The following NUP93 variants were observed in gnomAD, a reference collection of about 807,000 sequenced individuals.
NUP93 encodes the protein nucleoporin 93.
Under a neutral mutation model 107.8 loss-of-function variants are expected in NUP93, and 55 were observed. That is an observed-to-expected ratio of 0.51 (90% confidence interval 0.41 to 0.64). The LOEUF (loss-of-function observed/expected upper bound fraction) is 0.64. Among genes scored for constraint, NUP93 ranks in the 30% least tolerant of loss-of-function variants. The pLI, the probability that NUP93 is intolerant of heterozygous loss-of-function variation, is 0.00. For missense variants in NUP93, 937 were observed against 1,044.7 expected (o/e 0.90, Z 1.42); for synonymous variants, 390 against 397.5 (o/e 0.98, Z 0.22).
chr16:56,730,656 G>T (rs1366563161), intron 1 of NUP93, among the ~76,000 whole-genome samples: 2 of 152,212 alleles, frequency 1.3e-5, no homozygotes, highest in African/African-American at 2.4e-5. Flanking sequence ...TGCGAGGGAA[G>T]GGGTCTTTGG....
intron 13 of NUP93, 22 bp from the exon 14 acceptor site, chr16:56,834,106 C>T (rs765729411): frequency 5.0e-5 from 81 of 1,613,570 alleles, no homozygotes; most frequent in Non-Finnish European, 6.5e-5. Flanking sequence ...GGTTGTGACC[C>T]ATTCTGACCC....
At chr16:56,824,832 C>T (rs1447948942) in intron 8 of NUP93, among the ~76,000 whole-genome samples, 1 of 152,156 alleles carries the variant, frequency 6.6e-6, no homozygotes, top group African/African-American at 2.4e-5. Context: ...CACTAGCTTC[C>T]ATTCCCTGGT....
chr16:56,827,063 AAAAAAATT>A (rs1172313780), intron 8 of NUP93, among the ~76,000 whole-genome samples: 1 of 149,788 alleles, frequency 6.7e-6, no homozygotes, highest in African/African-American at 2.5e-5. Flanking sequence ...AAAAAAAAAA[AAAAAAATT>A]TTGTTGAGTC....
chr16:56,811,085 G>C (rs1488669703), intron 5 of NUP93, among the ~76,000 whole-genome samples: 1 of 152,168 alleles, frequency 6.6e-6, no homozygotes, highest in Non-Finnish European at 1.5e-5. Context: ...ATTTTTGTGT[G>C]TTTTGGTGAG....
rs571513589 is a variant in NUP93 at position 56,779,785 on chromosome 16, G to A, written c.298-18691G>A. ...TTTATTTGTTGGCAATACTAAAGAGGAAAAACGTCTTAACAGTGACTTGGT... is the reference window on the plus strand; with the variant it reads ...TTTATTTGTTGGCAATACTAAAGAGAAAAAACGTCTTAACAGTGACTTGGT... On this transcript the variant is annotated intron_variant, in intron 3 of 21. Coordinates refer to ENST00000308159, the MANE Select transcript of NUP93 (RefSeq NM_014669.5). Among the ~76,000 whole-genome samples the A allele has an allele frequency of 1.6e-4, 24 of 152,218 alleles. No homozygotes were observed. The South Asian group carries it at 1.9e-3, about 12-fold the overall frequency.
chr16:56,818,513 T>C, intron 5 of NUP93, 151 bp from the exon 6 acceptor site: 1 of 615,690 alleles, frequency 1.6e-6, no homozygotes. Flanking sequence ...GTTATTGAAA[T>C]CCCTAAAATC....
At chr16:56,815,787 CTG>C (rs1185896074) in intron 5 of NUP93, among the ~76,000 whole-genome samples, 7 of 151,658 alleles carry the variant, frequency 4.6e-5, no homozygotes, top group Admixed American at 2.6e-4. Flanking sequence ...GCTAAGGAAA[CTG>C]AGGCTTAAAG....
chr16:56,783,540 T>G (rs1962559066), intron 3 of NUP93: 1 of 985,324 alleles, frequency 1.0e-6, no homozygotes, highest in South Asian at 4.7e-5. Flanking sequence ...ACACTGACCC[T>G]GTATGGGAGA....
At chr16:56,788,366 A>G (rs1446280494) in intron 3 of NUP93, among the ~76,000 whole-genome samples, 3 of 152,112 alleles carry the variant, frequency 2.0e-5, no homozygotes, top group East Asian at 1.9e-4. Flanking sequence ...TCCTTTCCCT[A>G]TCCCTCTTGT....
chr16:56,744,512 G>A (rs995656312), intron 1 of NUP93, among the ~76,000 whole-genome samples: 4 of 152,144 alleles, frequency 2.6e-5, no homozygotes, highest in Non-Finnish European at 5.9e-5. Flanking sequence ...AAACTTTTTT[G>A]TATAATTAAT....
chr16:56,794,261 C>A (rs1330418594), intron 3 of NUP93, among the ~76,000 whole-genome samples: 2 of 152,026 alleles, frequency 1.3e-5, no homozygotes, highest in Non-Finnish European at 2.9e-5. Context: ...AATTCAAAAT[C>A]TATTTTGTGG....
intron 12 of NUP93, among the ~76,000 whole-genome samples, chr16:56,832,692 G>T (rs759774578): frequency 1.3e-5 from 2 of 152,156 alleles, no homozygotes; most frequent in Non-Finnish European, 2.9e-5. Flanking sequence ...CTTCCTAGTC[G>T]ATCGTACCAG....
At chr16:56,797,628 A>G (rs1375783751) in intron 3 of NUP93, among the ~76,000 whole-genome samples, 6 of 152,210 alleles carry the variant, frequency 3.9e-5, no homozygotes, top group African/African-American at 1.4e-4. Context: ...CTCTTTCACT[A>G]ATGGAAGTCA....
intron 3 of NUP93, among the ~76,000 whole-genome samples, chr16:56,793,480 G>A (rs1211240844): frequency 6.6e-6 from 1 of 152,186 alleles, no homozygotes; most frequent in African/African-American, 2.4e-5. Context: ...GTGGCAGGGA[G>A]CCAGTTCATC....
At chr16:56,779,447 A>G (rs1462428725) in intron 3 of NUP93, among the ~76,000 whole-genome samples, 1 of 152,232 alleles carries the variant, frequency 6.6e-6, no homozygotes, top group Non-Finnish European at 1.5e-5. Flanking sequence ...GCCAAAATAC[A>G]AAATTAAACA....
At chr16:56,781,566 G>A (rs538628535) in intron 3 of NUP93, 1 of 152,332 alleles carries the variant, frequency 6.6e-6, no homozygotes, top group Non-Finnish European at 1.5e-5. Flanking sequence ...TTCACAACTG[G>A]TGTTACAATC....
At chr16:56,780,611 G>A (rs990030283) in intron 3 of NUP93, among the ~76,000 whole-genome samples, 3 of 152,194 alleles carry the variant, frequency 2.0e-5, no homozygotes, top group East Asian at 3.8e-4. Flanking sequence ...AAGGAACAAT[G>A]TAAGTTGGTT....
chr16:56,823,113 C>T (rs1024329186), intron 7 of NUP93, among the ~76,000 whole-genome samples: 8 of 152,084 alleles, frequency 5.3e-5, no homozygotes, highest in Non-Finnish European at 1.0e-4. Context: ...GTGGTGGTAA[C>T]ACAGAGGAAA....
chr16:56,809,180 G>A (rs796576466), intron 5 of NUP93, among the ~76,000 whole-genome samples: 2 of 152,228 alleles, frequency 1.3e-5, no homozygotes, highest in African/African-American at 4.8e-5. Context: ...TTGCCTTTGT[G>A]CCAGAGGGAG....
Sources: allele counts gnomAD v4.1 joint callset (sites outside exome capture counted in the v4.1 genomes callset), GRCh38; gene constraint gnomAD v4.1.1; transcripts MANE v1.5; gene names NCBI Gene and HGNC (gene_info 2026-07-23, HGNC 2026-07-21).